Variants in PKP2 observed in about 807,000 individuals in gnomAD.
PKP2 encodes the protein plakophilin 2.
PKP2 carries 73 observed loss-of-function variants against 83.4 expected under a neutral mutation model. The ratio of observed to expected loss-of-function variants is 0.88; its 90% confidence interval spans 0.72 to 1.06. PKP2 has a LOEUF of 1.06. PKP2 is among the 50% of genes least tolerant of loss of function. The pLI, the probability that PKP2 is intolerant of heterozygous loss-of-function variation, is 0.00. For missense variants in PKP2, 966 were observed against 1,065.4 expected, an observed-to-expected ratio of 0.91 and a Z score of 1.30; for synonymous variants, 409 against 430.4, an observed-to-expected ratio of 0.95 and a Z score of 0.62.
chr12:32,807,923 G>A (rs1365237243), intron 9 of PKP2, among the ~76,000 whole-genome samples: 1 of 152,170 alleles, frequency 6.6e-6, no homozygotes, highest in Non-Finnish European at 1.5e-5. Flanking sequence ...GCTTACCTTT[G>A]TAGGTGACCT....
intron 6 of PKP2, chr12:32,824,384 CT>C: frequency 1.8e-6 from 1 of 541,738 alleles, no homozygotes; most frequent in Non-Finnish European, 3.3e-6. Flanking sequence ...TGTCATAAGT[CT>C]TCTACTTCAC....
rs776453793 is a variant in PKP2 at position 32,896,676 on chromosome 12, T to G, written c.56A>C (p.Gln19Pro). ...EYGYIRTVLG[Q>P]QILGQLDSSS... ...GCTGTCCAGTTGTCCCAGGATCTGC[T>G]GGCCCAGGACGGTCCGGATGTAGCC... The change falls in exon 1 of 13, where the codon CAG (glutamine) becomes CCG (proline). Residue 19 changes from glutamine (Q) to proline (P), a missense_variant. Transcript: ENST00000340811. 3.2e-6 allele frequency: 5 copies of G among 1,552,298 alleles called. No homozygotes were observed. The South Asian group carries it at 4.7e-5, about 15-fold the overall frequency.
intron 4 of PKP2, chr12:32,863,394 T>C (rs184851794): frequency 3.8e-5 from 10 of 265,512 alleles, no homozygotes; most frequent in South Asian, 1.1e-4. Flanking sequence ...CTAGAGCTAT[T>C]GGACACAGAG....
chr12:32,851,767 CACTA>C (rs1956698420), intron 4 of PKP2, among the ~76,000 whole-genome samples: 1 of 152,146 alleles, frequency 6.6e-6, no homozygotes, highest in Non-Finnish European at 1.5e-5. Flanking sequence ...TGCGCCCGGC[CACTA>C]ACCCTAAATT....
intron 6 of PKP2, among the ~76,000 whole-genome samples, chr12:32,826,105 C>T (rs1956437891): frequency 6.6e-6 from 1 of 151,818 alleles, no homozygotes; most frequent in Non-Finnish European, 1.5e-5. Context: ...GAGATCAAGA[C>T]CATCTGGCTA....
At chr12:32,832,560 A>T (rs1956510182) in intron 6 of PKP2, among the ~76,000 whole-genome samples, 1 of 152,212 alleles carries the variant, frequency 6.6e-6, no homozygotes, top group Admixed American at 6.5e-5. Context: ...TGAAACATAA[A>T]GAGTTTAAAT....
At chr12:32,818,289 C>A (rs1217162052) in intron 9 of PKP2, among the ~76,000 whole-genome samples, 1 of 152,070 alleles carries the variant, frequency 6.6e-6, no homozygotes, top group African/African-American at 2.4e-5. Context: ...TGGTGAAACC[C>A]GTCTCTACTA....
chr12:32,859,374 T>C (rs1256118675), intron 4 of PKP2, among the ~76,000 whole-genome samples: 3 of 152,208 alleles, frequency 2.0e-5, no homozygotes, highest in South Asian at 4.1e-4. Flanking sequence ...ATAATGGGCA[T>C]AGTTTATGCA....
chr12:32,833,129 G>A (rs1461834091), intron 6 of PKP2, among the ~76,000 whole-genome samples: 1 of 152,204 alleles, frequency 6.6e-6, no homozygotes, highest in Non-Finnish European at 1.5e-5. Flanking sequence ...TGTAGTCCCA[G>A]CTACTCGGGA....
At chr12:32,825,535 T>C (rs1956430745) in intron 6 of PKP2, among the ~76,000 whole-genome samples, 1 of 152,214 alleles carries the variant, frequency 6.6e-6, no homozygotes, top group Non-Finnish European at 1.5e-5. Flanking sequence ...TTCTTTATAA[T>C]GTGTTAGTGT....
At chr12:32,812,485 C>T (rs1165527903) in intron 9 of PKP2, among the ~76,000 whole-genome samples, 2 of 152,020 alleles carry the variant, frequency 1.3e-5, no homozygotes, top group South Asian at 4.1e-4. Context: ...AATTTACACA[C>T]ACTAATTAAT....
intron 4 of PKP2, among the ~76,000 whole-genome samples, chr12:32,853,656 G>A (rs1159832028): frequency 3.9e-5 from 6 of 152,004 alleles, no homozygotes; most frequent in East Asian, 1.9e-4. Flanking sequence ...GATTACAGGC[G>A]CGCCCTACCA....
At chr12:32,799,642 A>G (rs567913737) in intron 10 of PKP2, among the ~76,000 whole-genome samples, 1 of 152,320 alleles carries the variant, frequency 6.6e-6, no homozygotes, top group African/African-American at 2.4e-5. Flanking sequence ...GGCAAATTGG[A>G]TGGAATTAGA....
At chr12:32,868,702 T>G (rs1956870521) in intron 4 of PKP2, among the ~76,000 whole-genome samples, 1 of 152,148 alleles carries the variant, frequency 6.6e-6, no homozygotes, top group African/African-American at 2.4e-5. Context: ...TTTGTATTTT[T>G]AGTAGAGACA....
At chr12:32,857,966 G>A (rs931514882) in intron 4 of PKP2, among the ~76,000 whole-genome samples, 3 of 143,800 alleles carry the variant, frequency 2.1e-5, no homozygotes, top group African/African-American at 7.8e-5. Context: ...GGTGGCTCAC[G>A]CCTATAACGC....
At chr12:32,822,282 G>A (rs1956387169) in intron 8 of PKP2, among the ~76,000 whole-genome samples, 185 bp downstream of exon 8, 1 of 152,084 alleles carries the variant, frequency 6.6e-6, no homozygotes, top group Non-Finnish European at 1.5e-5. Context: ...ATCTTACTGT[G>A]TCTCTGTTTC....
intron 1 of PKP2, among the ~76,000 whole-genome samples, chr12:32,889,332 C>T (rs1957058120): frequency 6.6e-6 from 1 of 152,166 alleles, no homozygotes; most frequent in South Asian, 2.1e-4. Flanking sequence ...CAGTAAGAAA[C>T]TGAAGGAATT....
intron 9 of PKP2, among the ~76,000 whole-genome samples, chr12:32,818,477 C>CA (rs1956341220): frequency 6.6e-6 from 1 of 151,902 alleles, no homozygotes; most frequent in Admixed American, 6.6e-5. Flanking sequence ...AAAAAAAACC[C>CA]AAAAAAACCC....
intron 9 of PKP2, among the ~76,000 whole-genome samples, chr12:32,813,210 C>T (rs1454319458): frequency 6.6e-6 from 1 of 151,996 alleles, no homozygotes. Context: ...AAACAAAACC[C>T]CCAAACAACC....
Sources: allele counts gnomAD v4.1 joint callset (sites outside exome capture counted in the v4.1 genomes callset), GRCh38; gene constraint gnomAD v4.1.1; transcripts MANE v1.5; gene names NCBI Gene and HGNC (gene_info 2026-07-23, HGNC 2026-07-21).